Variants in GPHN observed in about 807,000 individuals in gnomAD.
GPHN encodes gephyrin.
A neutral mutation model predicts 95.5 loss-of-function variants in GPHN; 17 were observed. That is an observed-to-expected ratio of 0.18 (90% CI 0.12 to 0.27). The LOEUF (loss-of-function observed/expected upper bound fraction) is 0.27. Ranked by LOEUF, GPHN falls within the 10% of genes least tolerant of loss-of-function variation. The pLI is 1.00. For synonymous variants in GPHN, 320 were observed against 322.5 expected (o/e 0.99, Z 0.08); for missense variants, 660 against 978.1 (o/e 0.67, Z 4.34).
At position 67,098,435 on chromosome 14, in the gene GPHN, A is replaced by G. The variant is rs1455113510; in HGVS notation, c.1238-2421A>G. 2.0e-5 allele frequency among the ~76,000 whole-genome samples: 3 copies of G among 152,316 alleles called. No individual in the cohort carries two copies. The East Asian group carries it at 5.8e-4, about 29-fold the overall frequency. ...ATTTTGCTGAGAGTCCCTGAAGCTA[A>G]CAATAAACAGAACCAGGATTCAGAT... On this transcript the variant is annotated intron_variant, in intron 12 of 22. Coordinates refer to ENST00000478722, the MANE Select transcript of GPHN (RefSeq NM_020806.5).
At chr14:66,608,756 C>G (rs983206555) in intron 1 of GPHN, among the ~76,000 whole-genome samples, 1 of 152,096 alleles carries the variant, frequency 6.6e-6, no homozygotes, top group Non-Finnish European at 1.5e-5. Context: ...GTTTGCCCTT[C>G]TTAATTGTTT....
intron 1 of GPHN, among the ~76,000 whole-genome samples, chr14:66,646,850 A>C (rs1047335063): frequency 6.6e-6 from 1 of 152,062 alleles, no homozygotes; most frequent in Non-Finnish European, 1.5e-5. Context: ...AGAGGGATTA[A>C]GGTGGTGAAT....
the GPHN span, among the ~76,000 whole-genome samples, chr14:67,256,098 T>C: frequency 1.5e-3 from 230 of 152,270 alleles, no homozygotes; most frequent in Non-Finnish European, 2.3e-3. Flanking sequence ...ACACATACTT[T>C]TTTTGTGTGA....
chr14:67,397,873 G>C, the GPHN span: 41 of 1,526,550 alleles, frequency 2.7e-5, no homozygotes, highest in Non-Finnish European at 3.6e-5. Context: ...CAGTGGGAGG[G>C]TATGGTGTTC....
chr14:67,240,419 A>G, the GPHN span, among the ~76,000 whole-genome samples: 1 of 152,232 alleles, frequency 6.6e-6, no homozygotes, highest in African/African-American at 2.4e-5. Flanking sequence ...TGGAAATGGC[A>G]TATACGAAGG....
chr14:66,629,185 A>T (rs982481387), intron 1 of GPHN, among the ~76,000 whole-genome samples: 25 of 133,528 alleles, frequency 1.9e-4, no homozygotes, highest in Non-Finnish European at 8.0e-5. Flanking sequence ...ATATACATAT[A>T]TAAATATGTA....
At position 67,036,645 on chromosome 14, in the gene GPHN, T is replaced by C. The variant is rs11848556; in HGVS notation, c.1006+12970T>C. Among the ~76,000 whole-genome samples, 249 of 151,848 alleles carry C rather than the reference T, an allele frequency of 1.6e-3. 1 individual carries two copies. The highest frequency in any genetic ancestry group is 5.9e-3 in the African/African-American group (243 of 41,492). On this transcript the variant is annotated intron_variant, in intron 10 of 22. Coordinates refer to ENST00000478722, the MANE Select transcript of GPHN (RefSeq NM_020806.5). ...TGCATTTTTATACACTAACAGTGAATGATTAACAATCTGAAAAAGAAATTA... is the reference window on the plus strand; with the variant it reads ...TGCATTTTTATACACTAACAGTGAACGATTAACAATCTGAAAAAGAAATTA...
At chr14:66,831,002 T>C (rs1418440828) in intron 4 of GPHN, among the ~76,000 whole-genome samples, 1 of 152,094 alleles carries the variant, frequency 6.6e-6, no homozygotes, top group African/African-American at 2.4e-5. Flanking sequence ...CTTTCTTATA[T>C]TGTAATGCTT....
chr14:67,015,078 ATTTTC>A (rs927088338), intron 9 of GPHN, among the ~76,000 whole-genome samples: 3 of 152,184 alleles, frequency 2.0e-5, no homozygotes, highest in Admixed American at 1.3e-4. Context: ...ATATTATAGT[ATTTTC>A]TTTAAGAACA....
chr14:66,593,808 A>G (rs985901497), intron 1 of GPHN, among the ~76,000 whole-genome samples: 1 of 152,212 alleles, frequency 6.6e-6, no homozygotes, highest in Admixed American at 6.5e-5. Context: ...CACAGTACTG[A>G]AAGTACTAAC....
the GPHN span, chr14:67,294,736 G>A: frequency 6.6e-6 from 1 of 151,726 alleles, no homozygotes; most frequent in Non-Finnish European, 1.5e-5. Flanking sequence ...GCAGTGGCAC[G>A]ATCTCAGCTC....
the GPHN span, among the ~76,000 whole-genome samples, chr14:67,356,540 A>T: frequency 6.6e-6 from 1 of 152,198 alleles, no homozygotes; most frequent in Non-Finnish European, 1.5e-5. Context: ...TCTATAGCTG[A>T]AAGGGACTTT....
intron 2 of GPHN, among the ~76,000 whole-genome samples, chr14:66,681,791 A>G (rs1176346188): frequency 2.6e-5 from 4 of 152,086 alleles, no homozygotes; most frequent in Non-Finnish European, 5.9e-5. Context: ...TTTTATATTT[A>G]CTGGTAAATA....
chr14:67,281,175 G>T, the GPHN span, among the ~76,000 whole-genome samples: 1 of 151,762 alleles, frequency 6.6e-6, no homozygotes, highest in Non-Finnish European at 1.5e-5. Context: ...GGGATTACAG[G>T]TGTGAGCCAC....
intron 2 of GPHN, among the ~76,000 whole-genome samples, chr14:66,730,152 T>C (rs1046795363): frequency 6.6e-6 from 1 of 152,222 alleles, no homozygotes; most frequent in African/African-American, 2.4e-5. Flanking sequence ...TGCAAGGAGC[T>C]AAGGTATTTT....
the GPHN span, among the ~76,000 whole-genome samples, chr14:67,514,752 C>T: frequency 6.6e-6 from 1 of 152,120 alleles, no homozygotes; most frequent in Non-Finnish European, 1.5e-5. Flanking sequence ...CGCTGCCCCT[C>T]GCTTCCCCCT....
chr14:66,585,220 G>A (rs2061370344), intron 1 of GPHN, among the ~76,000 whole-genome samples: 1 of 152,028 alleles, frequency 6.6e-6, no homozygotes, highest in Admixed American at 6.6e-5. Context: ...TATTTCTGTG[G>A]GATCGGTGAT....
chr14:66,765,185 C>T lies in GPHN; in HGVS notation c.144-11279C>T, dbSNP rs544008237. 7.9e-5 allele frequency among the ~76,000 whole-genome samples: 12 copies of T among 152,174 alleles called. No individual in the cohort carries two copies. In the South Asian group the frequency reaches 2.1e-3, roughly 26 times the overall value. ...AAAAGAACAGGTACTGACAAGGTTG[C>T]ACAGAAAAGGGAACACTTATTCACT... On this transcript the variant is annotated intron_variant, in intron 2 of 22. Transcript: ENST00000478722.
the GPHN span, chr14:67,225,166 C>G: frequency 6.3e-7 from 1 of 1,583,756 alleles, no homozygotes; most frequent in Non-Finnish European, 8.6e-7. Context: ...AAACTTGTGC[C>G]TCATCTGTCT....
Sources: gnomAD v4.1 joint callset for allele counts (sites outside exome capture counted in the v4.1 genomes callset) on GRCh38, gnomAD v4.1.1 for gene constraint, MANE v1.5 for transcripts, NCBI Gene and HGNC (gene_info 2026-07-23, HGNC 2026-07-21) for gene names.